CADPS: variants seen among roughly 807,000 people sequenced by gnomAD.
CADPS encodes calcium-dependent secretion activator 1.
In CADPS, 57 loss-of-function variants were observed where a neutral mutation model predicts 167.3. The ratio of observed to expected loss-of-function variants is 0.34; its 90% confidence interval spans 0.28 to 0.42. The LOEUF is 0.42. Among genes scored for constraint, CADPS ranks in the 20% least tolerant of loss-of-function variants. CADPS has a pLI of 1.00. For synonymous variants in CADPS, 676 were observed against 635.3 expected (o/e 1.06, Z -0.96); for missense variants, 1,414 against 1,738.1 (o/e 0.81, Z 3.32).
chr3:62,693,763 T>A (rs13433774), intron 3 of CADPS, among the ~76,000 whole-genome samples: 27,767 of 147,858 alleles, frequency 0.19, 3,372 homozygotes, highest in African/African-American at 0.35. Context: ...ACAGCCTGGG[T>A]GACAGAATGG....
At chr3:62,659,617 T>C (rs2072657797) in intron 4 of CADPS, among the ~76,000 whole-genome samples, 1 of 152,226 alleles carries the variant, frequency 6.6e-6, no homozygotes, top group African/African-American at 2.4e-5. Flanking sequence ...GCTACAGGTA[T>C]CTTTCTACCA....
chr3:62,608,445 G>T (rs2061007564), intron 6 of CADPS, among the ~76,000 whole-genome samples: 1 of 151,880 alleles, frequency 6.6e-6, no homozygotes, highest in Non-Finnish European at 1.5e-5. Context: ...ACCATGCCAG[G>T]CGAATTTTTG....
intron 6 of CADPS, among the ~76,000 whole-genome samples, chr3:62,627,106 T>C (rs1344542226): frequency 6.6e-6 from 1 of 150,548 alleles, no homozygotes; most frequent in Non-Finnish European, 1.5e-5. Context: ...CTGAATCATT[T>C]CCATGTTACA....
At chr3:62,508,076 G>A (rs2067007670) in intron 17 of CADPS, among the ~76,000 whole-genome samples, 1 of 152,178 alleles carries the variant, frequency 6.6e-6, no homozygotes. Context: ...GGCTGGGCTT[G>A]AGGTAGTGTT....
At chr3:62,695,211 G>C (rs956812942) in intron 3 of CADPS, among the ~76,000 whole-genome samples, 1 of 152,092 alleles carries the variant, frequency 6.6e-6, no homozygotes, top group African/African-American at 2.4e-5. Context: ...ATTAGGGAAA[G>C]AATGTTTTCT....
At chr3:62,676,570 T>C (rs1221962977) in intron 3 of CADPS, among the ~76,000 whole-genome samples, 1 of 152,098 alleles carries the variant, frequency 6.6e-6, no homozygotes. Context: ...ACCTAAATAG[T>C]TGTGAAAATT....
intron 6 of CADPS, among the ~76,000 whole-genome samples, chr3:62,629,624 T>A (rs992034176): frequency 6.6e-6 from 1 of 152,226 alleles, no homozygotes; most frequent in South Asian, 2.1e-4. Flanking sequence ...ATTCTTTGTA[T>A]AAGACTCTCT....
chr3:62,708,832 TA>T (rs1284171143), intron 3 of CADPS, among the ~76,000 whole-genome samples: 1 of 151,234 alleles, frequency 6.6e-6, no homozygotes, highest in Non-Finnish European at 1.5e-5. Flanking sequence ...AAGAAAGGGG[TA>T]GGGGCGGAGT....
intron 3 of CADPS, among the ~76,000 whole-genome samples, chr3:62,673,596 G>A (rs1184973794): frequency 1.3e-5 from 2 of 152,130 alleles, no homozygotes; most frequent in Non-Finnish European, 2.9e-5. Flanking sequence ...TACATAACTT[G>A]ATAACTTTCA....
At chr3:62,838,085 T>C (rs1384384714) in intron 1 of CADPS, among the ~76,000 whole-genome samples, 1 of 152,184 alleles carries the variant, frequency 6.6e-6, no homozygotes, top group East Asian at 1.9e-4. Flanking sequence ...AAGTATGCCA[T>C]CAGGAGTGAA....
chr3:62,689,252 A>C (rs2078649262), intron 3 of CADPS, among the ~76,000 whole-genome samples: 1 of 152,026 alleles, frequency 6.6e-6, no homozygotes, highest in Non-Finnish European at 1.5e-5. Context: ...GCATTCCTCC[A>C]TTCCATTTAT....
chr3:62,673,871 G>C (rs1245129094), intron 3 of CADPS, among the ~76,000 whole-genome samples: 2 of 152,248 alleles, frequency 1.3e-5, no homozygotes, highest in Non-Finnish European at 2.9e-5. Context: ...TCTTTAAGCA[G>C]CATCAAGTCA....
At chr3:62,856,138 C>G (rs1193027723) in intron 1 of CADPS, among the ~76,000 whole-genome samples, 5 of 152,072 alleles carry the variant, frequency 3.3e-5, no homozygotes, top group African/African-American at 1.2e-4. Context: ...CTGATAGGGA[C>G]AGAAGTGCTC....
At chr3:62,716,820 T>C (rs2084746783) in intron 3 of CADPS, among the ~76,000 whole-genome samples, 1 of 152,224 alleles carries the variant, frequency 6.6e-6, no homozygotes, top group Admixed American at 6.5e-5. Context: ...CATCACAAGA[T>C]CTTGAAAAGC....
intron 28 of CADPS, among the ~76,000 whole-genome samples, chr3:62,428,142 G>T (rs990813119): frequency 3.3e-5 from 5 of 152,120 alleles, no homozygotes; most frequent in African/African-American, 1.2e-4. Context: ...TGGATTTTTA[G>T]TCAACTCAGC....
At chr3:62,742,604 A>G (rs1218466440) in intron 3 of CADPS, among the ~76,000 whole-genome samples, 1 of 152,216 alleles carries the variant, frequency 6.6e-6, no homozygotes, top group African/African-American at 2.4e-5. Context: ...CACCTTCCTT[A>G]CACCATACAC....
At chr3:62,550,968 C>G (rs2152270703) in intron 10 of CADPS, 1 of 455,744 alleles carries the variant, frequency 2.2e-6, no homozygotes, top group East Asian at 7.0e-5. Flanking sequence ...GGTGGCTCCT[C>G]CTCCTCCTCT....
intron 24 of CADPS, among the ~76,000 whole-genome samples, chr3:62,472,206 A>G (rs2060711626): frequency 1.3e-5 from 2 of 151,238 alleles, no homozygotes; most frequent in Admixed American, 1.3e-4. Context: ...TGAAGAAGGG[A>G]GGGGTGTGAG....
chr3:62,510,191 C>CATCTATCTATCTACCT (rs1553853781), intron 17 of CADPS, among the ~76,000 whole-genome samples: 22 of 148,266 alleles, frequency 1.5e-4, no homozygotes, highest in Non-Finnish European at 2.8e-4. Flanking sequence ...CCTATTTCTG[C>CATCTATCTATCTACCT]ATCTATCTAT....
Sources: allele counts gnomAD v4.1 joint callset (sites outside exome capture counted in the v4.1 genomes callset), GRCh38; gene constraint gnomAD v4.1.1; transcripts MANE v1.5; gene names NCBI Gene and HGNC (gene_info 2026-07-23, HGNC 2026-07-21).